The following PRKCQ variants were observed in gnomAD, a reference collection of about 807,000 sequenced individuals.
The protein encoded by PRKCQ is protein kinase C theta type.
PRKCQ carries 41 observed loss-of-function variants against 91.2 expected under a neutral mutation model. The ratio of observed to expected loss-of-function variants is 0.45; its 90% CI spans 0.35 to 0.58. The LOEUF (loss-of-function observed/expected upper bound fraction) is 0.58. Ranked by LOEUF, PRKCQ falls within the 20% of genes least tolerant of loss-of-function variation. PRKCQ has a pLI of 0.00. For missense variants in PRKCQ, 673 were observed against 896.5 expected (o/e 0.75, Z 3.18); for synonymous variants, 307 against 316.9 (o/e 0.97, Z 0.33).
chr10:6,570,848 C>T (rs1265617084), intron 1 of PRKCQ, among the ~76,000 whole-genome samples: 2 of 152,122 alleles, frequency 1.3e-5, no homozygotes, highest in Middle Eastern at 3.4e-3. Flanking sequence ...AGCCACTGTG[C>T]CTGGCTGGAA....
intron 16 of PRKCQ, 65 bp from the exon 17 acceptor site, chr10:6,431,003 T>TG (rs923359280): frequency 2.1e-5 from 33 of 1,538,364 alleles, no homozygotes; most frequent in Non-Finnish European, 2.9e-5. Context: ...CAGGAGGTCG[T>TG]GGTGCTTCCT....
chr10:6,564,374 G>A (rs1373339023), intron 1 of PRKCQ, among the ~76,000 whole-genome samples: 1 of 152,110 alleles, frequency 6.6e-6, no homozygotes, highest in Non-Finnish European at 1.5e-5. Context: ...GGCAGCTGCT[G>A]CAGCCTATCC....
the PRKCQ span, among the ~76,000 whole-genome samples, chr10:6,418,892 CATCT>C: frequency 3.8e-3 from 485 of 126,824 alleles, 5 homozygotes; most frequent in Non-Finnish European, 4.3e-3. Context: ...TTTGTTTATC[CATCT>C]ATTACTCATC....
At chr10:6,509,862 G>A (rs1440485876) in intron 3 of PRKCQ, among the ~76,000 whole-genome samples, 1 of 152,186 alleles carries the variant, frequency 6.6e-6, no homozygotes, top group Non-Finnish European at 1.5e-5. Flanking sequence ...TACGAGCAAA[G>A]ATTTTTATAC....
chr10:6,546,301 G>C (rs1350366957), intron 1 of PRKCQ, among the ~76,000 whole-genome samples: 1 of 152,158 alleles, frequency 6.6e-6, no homozygotes, highest in Non-Finnish European at 1.5e-5. Flanking sequence ...GATTAGGGTA[G>C]GGGAGTCAGG....
rs958891436 is a variant in PRKCQ at position 6,430,610 on chromosome 10, T to G, written c.1965+200A>C. On this transcript the variant is annotated intron_variant, in intron 17 of 17. Transcript: ENST00000263125. This position sits in a 1 kb window ranked among gnomAD's most constrained non-coding sequence, Gnocchi z 4.7. ...GCATCTTGACGACAGAGATTAAATT[T>G]TGCAAACAAGAGTGACCTCCCCTCC... is the stretch of plus-strand genomic sequence containing the variant. Among the ~76,000 whole-genome samples the G allele has an allele frequency of 2.0e-5, 3 of 152,148 alleles. No individual in the cohort carries two copies. Among genetic ancestry groups the G allele is most frequent in the African/African-American group, 7.2e-5 (3 of 41,412 alleles).
chr10:6,439,674 A>G (rs1833870274), intron 16 of PRKCQ, among the ~76,000 whole-genome samples: 1 of 124,256 alleles, frequency 8.0e-6, no homozygotes, highest in Non-Finnish European at 1.8e-5. Context: ...ATTTTCCTAT[A>G]ATTTTCTTAA....
intron 13 of PRKCQ, among the ~76,000 whole-genome samples, chr10:6,462,887 C>T (rs1290201670): frequency 6.6e-6 from 1 of 151,808 alleles, no homozygotes; most frequent in Non-Finnish European, 1.5e-5. Context: ...CGCCTGTAGC[C>T]CCATCTACTC....
intron 1 of PRKCQ, among the ~76,000 whole-genome samples, chr10:6,568,897 T>C (rs141040914): frequency 7.6e-4 from 116 of 152,144 alleles, no homozygotes; most frequent in Non-Finnish European, 1.4e-3. Context: ...CAAGGGGAGA[T>C]GGAGTCTTTG....
At chr10:6,456,541 TGA>T (rs2132308781) in intron 15 of PRKCQ, 131 bp downstream of exon 15, 1 of 1,202,836 alleles carries the variant, frequency 8.3e-7, no homozygotes, top group African/African-American at 1.5e-5. Flanking sequence ...GTGGCGTTTA[TGA>T]GATACTTAAG....
At chr10:6,553,687 T>C (rs562338252) in intron 1 of PRKCQ, among the ~76,000 whole-genome samples, 1 of 152,200 alleles carries the variant, frequency 6.6e-6, no homozygotes, top group East Asian at 1.9e-4. Context: ...CTTGGGAACA[T>C]ATTTGAGAGT....
intron 1 of PRKCQ, among the ~76,000 whole-genome samples, chr10:6,577,717 T>G (rs897221260): frequency 1.2e-4 from 19 of 152,162 alleles, no homozygotes; most frequent in African/African-American, 4.6e-4. Flanking sequence ...ACCAGCACAT[T>G]AGCAACATTT....
At chr10:6,577,223 C>A (rs1841274330) in intron 1 of PRKCQ, among the ~76,000 whole-genome samples, 2 of 152,056 alleles carry the variant, frequency 1.3e-5, no homozygotes, top group African/African-American at 4.8e-5. Flanking sequence ...CTCATTTTGT[C>A]CCCAAGAATG....
At chr10:6,479,190 T>C (rs781452495) in intron 11 of PRKCQ, 25 bp from the exon 12 acceptor site, 1 of 1,608,334 alleles carries the variant, frequency 6.2e-7, no homozygotes, top group Non-Finnish European at 8.5e-7. Flanking sequence ...AAGAAGTAAC[T>C]TTATTTTAGA....
At chr10:6,559,826 TGTG>T (rs1480169799) in intron 1 of PRKCQ, among the ~76,000 whole-genome samples, 3 of 3,582 alleles carry the variant, frequency 8.4e-4, no homozygotes, top group Non-Finnish European at 0.011. Flanking sequence ...TTGAGTTTTG[TGTG>T]TGTGTGTTTG....
intron 1 of PRKCQ, among the ~76,000 whole-genome samples, chr10:6,534,077 T>C (rs1249851281): frequency 9.2e-6 from 1 of 109,232 alleles, no homozygotes; most frequent in Non-Finnish European, 1.9e-5. Flanking sequence ...GCAAAATATG[T>C]GGCAAAATAT....
Position 6,566,674 on chromosome 10 carries a change from C to T in PRKCQ, c.-10+13537G>A, listed in dbSNP as rs561201365. Among the ~76,000 whole-genome samples the T allele has an allele frequency of 1.4e-3, 219 of 152,052 alleles. 1 individual carries two copies. The highest frequency in any genetic ancestry group is 5.1e-3 in the African/African-American group (212 of 41,440). On this transcript the variant is annotated intron_variant, in intron 1 of 17. Transcript: ENST00000263125. ...CATGGGTTCCTAATATCCTTGTGTG[C>T]CAGCGACCACCTGTCCTCGATTACT... is the stretch of plus-strand genomic sequence containing the variant.
intron 2 of PRKCQ, among the ~76,000 whole-genome samples, chr10:6,513,701 G>C (rs1838609763): frequency 6.6e-6 from 1 of 152,224 alleles, no homozygotes; most frequent in Non-Finnish European, 1.5e-5. Flanking sequence ...CTCTGGCTTT[G>C]ATGTGTTCAG....
intron 1 of PRKCQ, among the ~76,000 whole-genome samples, chr10:6,578,582 G>T (rs986572262): frequency 1.3e-5 from 2 of 152,194 alleles, no homozygotes; most frequent in African/African-American, 4.8e-5. Flanking sequence ...CTTTGGCTTT[G>T]CAGGTTTTAG....
Sources: gnomAD v4.1 joint callset for allele counts (sites outside exome capture counted in the v4.1 genomes callset) on GRCh38, gnomAD v4.1.1 for gene constraint, Gnocchi (gnomAD v3.1) non-coding constraint, MANE v1.5 for transcripts, NCBI Gene and HGNC (gene_info 2026-07-23, HGNC 2026-07-21) for gene names.